The following PCDH7 variants were observed in gnomAD, a reference collection of about 807,000 sequenced individuals.
PCDH7 encodes the protein protocadherin 7.
A neutral mutation model predicts 58.9 loss-of-function variants in PCDH7; 17 were observed. That is an observed-to-expected ratio of 0.29 (90% confidence interval 0.20 to 0.43). The LOEUF is 0.43. Among genes scored for constraint, PCDH7 ranks in the 20% least tolerant of loss-of-function variants. The probability of loss-of-function intolerance (pLI) is 1.00; values close to 1 mark genes in which losing one functional copy is unlikely to be tolerated. For missense variants in PCDH7, 1,274 were observed against 1,441.0 expected (o/e 0.88, Z 1.88); for synonymous variants, 664 against 616.4 (o/e 1.08, Z -1.14).
At chr4:30,799,490 C>T (rs1378109039) in intron 1 of PCDH7, among the ~76,000 whole-genome samples, 1 of 152,104 alleles carries the variant, frequency 6.6e-6, no homozygotes, top group Non-Finnish European at 1.5e-5. Flanking sequence ...ATATAATTTT[C>T]AAAATGCCTG....
chr4:30,918,511 G>A (rs1560500145), intron 1 of PCDH7, among the ~76,000 whole-genome samples: 2 of 151,958 alleles, frequency 1.3e-5, no homozygotes, highest in Non-Finnish European at 2.9e-5. Flanking sequence ...AGAATCATTA[G>A]TGAAATAAGA....
At chr4:30,967,131 G>A (rs1749068543) in intron 3 of PCDH7, among the ~76,000 whole-genome samples, 1 of 151,936 alleles carries the variant, frequency 6.6e-6, no homozygotes, top group Admixed American at 6.6e-5. Flanking sequence ...TTAAAAAGTT[G>A]TTTTAAATCC....
chr4:31,017,301 AT>A (rs533925116), intron 3 of PCDH7, among the ~76,000 whole-genome samples: 184 of 152,218 alleles, frequency 1.2e-3, no homozygotes, highest in African/African-American at 4.2e-3. Flanking sequence ...AGTTATTCTT[AT>A]TTTTTTAAAA....
intron 2 of PCDH7, among the ~76,000 whole-genome samples, chr4:30,927,555 AC>A (rs1450104897): frequency 6.6e-6 from 1 of 151,710 alleles, no homozygotes; most frequent in East Asian, 1.9e-4. Context: ...CTATGACCTT[AC>A]CCCCAACCCT....
intron 2 of PCDH7, among the ~76,000 whole-genome samples, chr4:30,929,973 A>G (rs546852562): frequency 1.1e-4 from 16 of 152,364 alleles, no homozygotes; most frequent in African/African-American, 3.6e-4. Context: ...GTAAAATTCA[A>G]TGACCATTTG....
intron 1 of PCDH7, among the ~76,000 whole-genome samples, chr4:30,801,884 CTATT>C (rs1424786259): frequency 1.3e-5 from 2 of 152,144 alleles, no homozygotes; most frequent in Non-Finnish European, 2.9e-5. Flanking sequence ...CCTATGCTCA[CTATT>C]TAGATTCCAG....
intron 2 of PCDH7, among the ~76,000 whole-genome samples, chr4:30,928,078 C>T (rs1050809651): frequency 6.6e-6 from 1 of 152,070 alleles, no homozygotes; most frequent in Admixed American, 6.5e-5. Flanking sequence ...TGGGCTCAAG[C>T]GATTCTCTCA....
intron 3 of PCDH7, among the ~76,000 whole-genome samples, chr4:31,098,493 C>T (rs1396735923): frequency 2.0e-5 from 3 of 152,072 alleles, no homozygotes; most frequent in African/African-American, 7.2e-5. Context: ...TTTTGCAAAG[C>T]CAAAAGTTGA....
intron 1 of PCDH7, among the ~76,000 whole-genome samples, chr4:30,868,473 T>C (rs1027438255): frequency 6.6e-6 from 1 of 152,128 alleles, no homozygotes; most frequent in Non-Finnish European, 1.5e-5. Flanking sequence ...TGATTTAGCT[T>C]CTCTGACAAG....
intron 1 of PCDH7, among the ~76,000 whole-genome samples, chr4:30,893,540 T>C (rs1738886392): frequency 6.6e-6 from 1 of 152,126 alleles, no homozygotes. Context: ...AAGTCAGAAG[T>C]TTAGCACATA....
chr4:30,926,378 G>T (rs1379310963), intron 2 of PCDH7, among the ~76,000 whole-genome samples: 1 of 152,048 alleles, frequency 6.6e-6, no homozygotes, highest in South Asian at 2.1e-4. Flanking sequence ...TAGAGACAGG[G>T]TTTCACCATG....
chr4:30,815,248 G>A (rs1240839280), intron 1 of PCDH7, among the ~76,000 whole-genome samples: 1 of 151,950 alleles, frequency 6.6e-6, no homozygotes, highest in Non-Finnish European at 1.5e-5. Flanking sequence ...ATATGGGTCT[G>A]CAACAACTGG....
chr4:30,935,309 C>G (rs1407480813), intron 2 of PCDH7: 2 of 973,732 alleles, frequency 2.1e-6, no homozygotes, highest in Admixed American at 6.2e-5. Context: ...TTCTTACCTC[C>G]AGAAATGTTT....
At chr4:31,138,148 T>TCTAA (rs34572587) in intron 3 of PCDH7, among the ~76,000 whole-genome samples, 1 of 35,798 alleles carries the variant, frequency 2.8e-5, no homozygotes, top group Non-Finnish European at 4.5e-5. Context: ...TTCTAAAGAT[T>TCTAA]CTATTATCTA....
At chr4:31,096,868 A>G (rs1432637603) in intron 3 of PCDH7, among the ~76,000 whole-genome samples, 1 of 151,928 alleles carries the variant, frequency 6.6e-6, no homozygotes, top group African/African-American at 2.4e-5. Context: ...TTTCTGTAAA[A>G]GTTCATAATT....
chr4:30,946,640 A>G (rs1338615166), intron 2 of PCDH7, among the ~76,000 whole-genome samples: 1 of 150,228 alleles, frequency 6.7e-6, no homozygotes, highest in Non-Finnish European at 1.5e-5. Flanking sequence ...CTCCTCTTGT[A>G]TCTTTGATTT....
At chr4:30,850,855 C>T (rs530302071) in intron 1 of PCDH7, among the ~76,000 whole-genome samples, 297 of 152,198 alleles carry the variant, frequency 2.0e-3, no homozygotes, top group African/African-American at 6.5e-3. Context: ...TTTCTCCCAA[C>T]ATCAACTGCC....
intron 3 of PCDH7, among the ~76,000 whole-genome samples, chr4:30,967,891 T>G (rs1383548604): frequency 1.3e-5 from 2 of 152,116 alleles, no homozygotes; most frequent in African/African-American, 4.8e-5. Flanking sequence ...GTGTATTTCA[T>G]GCATACTTCT....
chr4:30,829,834 T>C (rs569091317), intron 1 of PCDH7, among the ~76,000 whole-genome samples: 1 of 152,062 alleles, frequency 6.6e-6, no homozygotes, highest in Admixed American at 6.6e-5. Flanking sequence ...AGAAGGGGGA[T>C]GGAGAGGAGT....
Sources: gnomAD v4.1 joint callset for allele counts (sites outside exome capture counted in the v4.1 genomes callset) on GRCh38, gnomAD v4.1.1 for gene constraint, MANE v1.5 for transcripts, NCBI Gene and HGNC (gene_info 2026-07-23, HGNC 2026-07-21) for gene names.